The following MCTP1 variants were observed in gnomAD, a reference collection of about 807,000 sequenced individuals.
MCTP1 encodes multiple C2 and transmembrane domain-containing protein 1.
MCTP1 carries 69 observed loss-of-function variants against 120.6 expected under a neutral mutation model. The observed-to-expected ratio is 0.57, with a 90% confidence interval of 0.47 to 0.70. The LOEUF (loss-of-function observed/expected upper bound fraction) is 0.70. MCTP1 is among the 30% of genes least tolerant of loss of function. MCTP1 has a pLI of 0.00. For missense variants in MCTP1, 1,203 were observed against 1,248.8 expected (o/e 0.96, Z 0.55); for synonymous variants, 529 against 493.1 (o/e 1.07, Z -0.96).
At chr5:94,989,506 T>G (rs566916359) in intron 2 of MCTP1, among the ~76,000 whole-genome samples, 27 of 152,296 alleles carry the variant, frequency 1.8e-4, no homozygotes, top group African/African-American at 6.5e-4. Flanking sequence ...TTTAAAATCC[T>G]TGTAATTTCT....
At position 95,284,075 on chromosome 5, in the gene MCTP1, G is replaced by T. The variant is rs1456828129; in HGVS notation, c.501C>A (p.Ser167=). Residue 167 remains serine, a synonymous_variant, in exon 1 of 23, where the codon TCC becomes TCA. Transcript: ENST00000515393. The surrounding 1 kb of genome is among the most constrained non-coding windows in gnomAD (Gnocchi z 5.2). ...PSSSSASSSL[S]SSPQPPPRGD... The stretch of plus-strand genomic sequence containing the variant: ...CCCTCGGGGGAGGCTGGGGCGAGGA[G>T]GACAGGGAGGATGAGGCGGAGGAAG... 6.5e-7 allele frequency: 1 copy of T among 1,548,988 alleles called. No individual in the cohort carries two copies. The highest frequency in any genetic ancestry group is 8.7e-7 in the Non-Finnish European group (1 of 1,146,282).
At chr5:94,844,301 C>CAAAAAAAAA (rs59169145) in intron 17 of MCTP1, among the ~76,000 whole-genome samples, 10 of 79,686 alleles carry the variant, frequency 1.3e-4, no homozygotes, top group East Asian at 3.3e-4. Context: ...GACTCTGTCT[C>CAAAAAAAAA]AAAAAAAAAA....
chr5:95,195,349 A>G (rs1391644802), intron 1 of MCTP1, among the ~76,000 whole-genome samples: 1 of 152,164 alleles, frequency 6.6e-6, no homozygotes, highest in African/African-American at 2.4e-5. Flanking sequence ...TGGGAAAGTA[A>G]AAGTTCACTG....
chr5:95,166,975 G>C (rs144487521), intron 1 of MCTP1, among the ~76,000 whole-genome samples: 4,047 of 134,826 alleles, frequency 0.03, 77 homozygotes, highest in Non-Finnish European at 0.043. Flanking sequence ...GTGCAGGTTT[G>C]TTACATATGT....
At chr5:95,278,427 T>C (rs1760027928) in intron 1 of MCTP1, among the ~76,000 whole-genome samples, 1 of 152,204 alleles carries the variant, frequency 6.6e-6, no homozygotes, top group African/African-American at 2.4e-5. Context: ...TAAACAGGTA[T>C]GGTTTATACT....
At chr5:94,708,834 A>G (rs575441529) in intron 21 of MCTP1, 7 of 419,946 alleles carry the variant, frequency 1.7e-5, no homozygotes, top group Middle Eastern at 6.0e-4. Context: ...GTGGGAAATA[A>G]AGGAGCTGCC....
At chr5:94,781,907 C>T (rs1349886712) in intron 18 of MCTP1, among the ~76,000 whole-genome samples, 1 of 152,096 alleles carries the variant, frequency 6.6e-6, no homozygotes, top group Admixed American at 6.6e-5. Flanking sequence ...TGTGTTTTAG[C>T]GCTCTAGTGA....
At chr5:94,721,076 A>G (rs1365418646) in intron 19 of MCTP1, among the ~76,000 whole-genome samples, 1 of 152,222 alleles carries the variant, frequency 6.6e-6, no homozygotes, top group Admixed American at 6.5e-5. Context: ...CAGTTCCTAC[A>G]AAGAATTCCT....
chr5:94,752,451 T>G (rs1416138579), intron 19 of MCTP1, among the ~76,000 whole-genome samples: 3 of 151,970 alleles, frequency 2.0e-5, no homozygotes, highest in Non-Finnish European at 4.4e-5. Context: ...AAGGGTCAAA[T>G]AGGTAGGCTG....
chr5:94,863,415 T>C (rs776483135), intron 17 of MCTP1, among the ~76,000 whole-genome samples: 1 of 151,902 alleles, frequency 6.6e-6, no homozygotes, highest in Non-Finnish European at 1.5e-5. Context: ...CGTAATTTCA[T>C]TGCTGTGGTA....
At chr5:94,726,258 A>C (rs1278318951) in intron 19 of MCTP1, among the ~76,000 whole-genome samples, 5 of 152,178 alleles carry the variant, frequency 3.3e-5, no homozygotes, top group Admixed American at 2.6e-4. Context: ...CAGAATGTTC[A>C]TTTGTTTACA....
chr5:94,810,538 C>T (rs1222426529), intron 17 of MCTP1, among the ~76,000 whole-genome samples: 1 of 152,190 alleles, frequency 6.6e-6, no homozygotes, highest in African/African-American at 2.4e-5. Context: ...AAGCCAAACA[C>T]ATGTTAGTAA....
rs144659323 is a variant in MCTP1, at chr5:95,158,410, T to A, written c.720+125446A>T. 4.6e-3 allele frequency among the ~76,000 whole-genome samples: 694 copies of A among 152,228 alleles called. 7 individuals are homozygous for A. Among genetic ancestry groups the A allele is most frequent in the African/African-American group, 0.016 (658 of 41,532 alleles). ...GAGAGCCTGGCTGAGATGGAAAATA[T>A]GATAAAAATGGAAATACAAAAGGCT... is the stretch of plus-strand genomic sequence containing the variant. On this transcript the variant is annotated intron_variant, in intron 1 of 22. Transcript: ENST00000515393.
chr5:94,794,090 T>A (rs977469082), intron 18 of MCTP1, among the ~76,000 whole-genome samples: 1 of 152,238 alleles, frequency 6.6e-6, no homozygotes, highest in African/African-American at 2.4e-5. Flanking sequence ...GTCACAGTCA[T>A]ATCATGAGTC....
intron 2 of MCTP1, among the ~76,000 whole-genome samples, chr5:94,989,853 G>C (rs435219): frequency 0.71 from 108,259 of 152,018 alleles, 39,056 homozygotes; most frequent in Admixed American, 0.81. Context: ...ACAGAGTTTG[G>C]AGAGCTTCTG....
intron 17 of MCTP1, among the ~76,000 whole-genome samples, chr5:94,863,717 G>A (rs746285777): frequency 1.3e-5 from 2 of 151,820 alleles, no homozygotes; most frequent in Non-Finnish European, 2.9e-5. Flanking sequence ...TGCACGAGAA[G>A]GAAGTACATG....
chr5:95,215,740 TA>T (rs1027897175), intron 1 of MCTP1, among the ~76,000 whole-genome samples: 1 of 151,904 alleles, frequency 6.6e-6, no homozygotes, highest in Admixed American at 6.6e-5. Flanking sequence ...AAGAATAGGG[TA>T]AAAAAAATTT....
chr5:95,138,392 C>T (rs1210532065), intron 1 of MCTP1, among the ~76,000 whole-genome samples: 1 of 152,192 alleles, frequency 6.6e-6, no homozygotes, highest in Non-Finnish European at 1.5e-5. Flanking sequence ...TTGTCAATCT[C>T]CATCCAGGTT....
chr5:95,194,717 C>G (rs1750190343), intron 1 of MCTP1, among the ~76,000 whole-genome samples: 1 of 152,108 alleles, frequency 6.6e-6, no homozygotes, highest in South Asian at 2.1e-4. Flanking sequence ...AGTGTCTAGA[C>G]CTGAACGTTA....
Sources: gnomAD v4.1 joint callset for allele counts (sites outside exome capture counted in the v4.1 genomes callset) on GRCh38, gnomAD v4.1.1 for gene constraint, Gnocchi (gnomAD v3.1) non-coding constraint, MANE v1.5 for transcripts, NCBI Gene and HGNC (gene_info 2026-07-23, HGNC 2026-07-21) for gene names.